The following CNBD1 variants were observed in gnomAD, a reference collection of about 807,000 sequenced individuals.
CNBD1 encodes cyclic nucleotide binding domain containing 1.
Under a neutral mutation model 54.4 loss-of-function variants are expected in CNBD1, and 71 were observed. That is an observed-to-expected ratio of 1.30 (90% CI 1.08 to 1.59). The LOEUF (loss-of-function observed/expected upper bound fraction) is 1.59. Among genes scored for constraint, CNBD1 ranks in the 40% most tolerant of loss-of-function variants. The pLI is 0.00. For synonymous variants in CNBD1, 182 were observed against 170.7 expected, an observed-to-expected ratio of 1.07 and a Z score of -0.51; for missense variants, 659 against 518.0, an observed-to-expected ratio of 1.27 and a Z score of -2.64.
At chr8:87,205,842 G>C (rs1813960459) in intron 4 of CNBD1, 151 bp from the exon 5 acceptor site, 4 of 535,716 alleles carry the variant, frequency 7.5e-6, no homozygotes, top group Non-Finnish European at 1.2e-5. Context: ...AAGTTGATTA[G>C]TAAGAAAAAA....
chr8:87,151,626 T>C (rs953378956), intron 4 of CNBD1, among the ~76,000 whole-genome samples: 1 of 152,188 alleles, frequency 6.6e-6, no homozygotes, highest in African/African-American at 2.4e-5. Flanking sequence ...ACAACACTTA[T>C]GACATGGGGA....
chr8:87,032,578 A>G (rs1202696418), intron 4 of CNBD1, among the ~76,000 whole-genome samples: 1 of 152,194 alleles, frequency 6.6e-6, no homozygotes, highest in African/African-American at 2.4e-5. Flanking sequence ...GGGGTGGCAC[A>G]GGCAGAAAAG....
At chr8:87,376,037 A>G (rs1810924048) in intron 10 of CNBD1, among the ~76,000 whole-genome samples, 2 of 151,944 alleles carry the variant, frequency 1.3e-5, no homozygotes, top group African/African-American at 4.8e-5. Context: ...ATGAAGGATT[A>G]TAACATCAAA....
At chr8:86,983,020 A>T (rs1477789878) in intron 4 of CNBD1, among the ~76,000 whole-genome samples, 1 of 152,208 alleles carries the variant, frequency 6.6e-6, no homozygotes, top group Non-Finnish European at 1.5e-5. Flanking sequence ...TTCAGGGAGC[A>T]CATGTTCAGG....
chr8:87,235,167 T>C (rs990509960), intron 5 of CNBD1, among the ~76,000 whole-genome samples: 1 of 152,152 alleles, frequency 6.6e-6, no homozygotes, highest in Non-Finnish European at 1.5e-5. Context: ...TTTAAGAGAA[T>C]GTTGTGGCTG....
intron 8 of CNBD1, among the ~76,000 whole-genome samples, chr8:87,333,299 A>T (rs1248494512): frequency 6.6e-6 from 1 of 152,282 alleles, no homozygotes; most frequent in South Asian, 2.1e-4. Flanking sequence ...TTTTCTAAAT[A>T]TACTATCATG....
At chr8:87,423,451 T>A (rs1423031135) in intron 2 of CNBD1, among the ~76,000 whole-genome samples, 20 of 151,902 alleles carry the variant, frequency 1.3e-4, no homozygotes. Flanking sequence ...ATATGTCCCA[T>A]CAGTACCTAC....
At chr8:87,021,553 G>A (rs754649640) in intron 4 of CNBD1, among the ~76,000 whole-genome samples, 4 of 152,170 alleles carry the variant, frequency 2.6e-5, no homozygotes, top group Non-Finnish European at 5.9e-5. Flanking sequence ...TGGATTCATT[G>A]ATTTATACCA....
chr8:87,090,839 G>A (rs1811189645), intron 4 of CNBD1, among the ~76,000 whole-genome samples: 1 of 151,818 alleles, frequency 6.6e-6, no homozygotes, highest in Non-Finnish European at 1.5e-5. Flanking sequence ...TCTAGTGCTG[G>A]GATTCTTTTT....
At chr8:87,005,700 A>G (rs57324836) in intron 4 of CNBD1, among the ~76,000 whole-genome samples, 4,554 of 152,190 alleles carry the variant, frequency 0.03, 235 homozygotes, top group African/African-American at 0.1. Flanking sequence ...AAGGAAAGAA[A>G]TTGAACTCAA....
Position 87,237,092 on chromosome 8 carries a change from C to T in CNBD1, c.751C>T (p.Leu251=). 2 of 1,609,070 alleles carry T rather than the reference C, an allele frequency of 1.2e-6. No individual in the cohort carries two copies. Among genetic ancestry groups the T allele is most frequent in the Non-Finnish European group, 1.7e-6 (2 of 1,176,852 alleles). The part of the protein sequence containing the change: ...FKNSTLAEMY[L]PSYDSMLSKW... ...AAACTCTACACTTGCTGAGATGTAC[C>T]TACCTTCATATGACTCAATGGTAAG... The change falls in exon 6 of 11, where the codon CTA becomes TTA. Residue 251 remains leucine (L), a synonymous_variant. Transcript: ENST00000518476.
chr8:86,930,502 G>T (rs1441681630), intron 3 of CNBD1, among the ~76,000 whole-genome samples: 1 of 152,124 alleles, frequency 6.6e-6, no homozygotes, highest in Non-Finnish European at 1.5e-5. Flanking sequence ...CTAAATCCTT[G>T]GGACAAGACT....
intron 4 of CNBD1, among the ~76,000 whole-genome samples, chr8:87,003,569 T>C (rs1809036173): frequency 6.6e-6 from 1 of 152,220 alleles, no homozygotes; most frequent in African/African-American, 2.4e-5. Flanking sequence ...ATCAGTCAAA[T>C]AGAAAAGCAG....
chr8:87,272,615 T>A (rs1057472440), intron 6 of CNBD1, among the ~76,000 whole-genome samples: 2 of 152,010 alleles, frequency 1.3e-5, no homozygotes, highest in African/African-American at 4.8e-5. Context: ...CCAAAATGTA[T>A]CATCTTTTAT....
chr8:86,984,403 G>A (rs760682832), intron 4 of CNBD1, among the ~76,000 whole-genome samples: 52 of 152,148 alleles, frequency 3.4e-4, no homozygotes, highest in African/African-American at 4.6e-4. Context: ...CTACTGGGGC[G>A]CAATCTAGTG....
chr8:87,425,440 C>T (rs1808028616), intron 2 of CNBD1, among the ~76,000 whole-genome samples: 1 of 152,168 alleles, frequency 6.6e-6, no homozygotes, highest in Non-Finnish European at 1.5e-5. Context: ...TTTTCTCCAT[C>T]TTTGTGGTTT....
intron 4 of CNBD1, among the ~76,000 whole-genome samples, chr8:87,055,181 A>G (rs1387486831): frequency 6.6e-6 from 1 of 152,190 alleles, no homozygotes; most frequent in Non-Finnish European, 1.5e-5. Context: ...TGAGGTTAGA[A>G]CAAAAGTTTA....
chr8:86,969,381 T>A (rs1042534324), intron 4 of CNBD1, among the ~76,000 whole-genome samples: 4 of 152,178 alleles, frequency 2.6e-5, no homozygotes, highest in Non-Finnish European at 5.9e-5. Context: ...TTTTTTGCAG[T>A]GTCTTTATAA....
At chr8:86,890,319 C>T (rs1176816839) in intron 2 of CNBD1, among the ~76,000 whole-genome samples, 2 of 152,034 alleles carry the variant, frequency 1.3e-5, no homozygotes, top group Non-Finnish European at 2.9e-5. Flanking sequence ...TTTCAGATTC[C>T]ACCTCTATGT....
Sources: gnomAD v4.1 joint callset for allele counts (sites outside exome capture counted in the v4.1 genomes callset) on GRCh38, gnomAD v4.1.1 for gene constraint, MANE v1.5 for transcripts, NCBI Gene and HGNC (gene_info 2026-07-23, HGNC 2026-07-21) for gene names.